Variants in PI4K2A observed in about 807,000 individuals in gnomAD.
PI4K2A encodes phosphatidylinositol 4-kinase type 2-alpha.
A neutral mutation model predicts 55.0 loss-of-function variants in PI4K2A; 20 were observed. The ratio of observed to expected loss-of-function variants is 0.36; its 90% CI spans 0.26 to 0.53. PI4K2A has a LOEUF of 0.53. PI4K2A is among the 20% of genes least tolerant of loss of function. PI4K2A has a pLI of 0.91. For missense variants in PI4K2A, 463 were observed against 637.1 expected (o/e 0.73, Z 2.94); for synonymous variants, 235 against 258.5 (o/e 0.91, Z 0.87).
At chr10:97,640,883 T>C (rs2041463710) in exon 1 of PI4K2A, 1 of 1,298,330 alleles carries the variant, frequency 7.7e-7, no homozygotes, top group Non-Finnish European at 9.8e-7. Context: ...CGGGCCCCTC[T>C]CCGCCGGGCT....
intron 4 of PI4K2A, among the ~76,000 whole-genome samples, chr10:97,660,024 C>T (rs1214446969): frequency 5.2e-5 from 7 of 134,814 alleles, no homozygotes; most frequent in Non-Finnish European, 4.7e-5. Flanking sequence ...TTTTTTGAGA[C>T]GGAGTCTCGC....
chr10:97,660,385 T>TC (rs2041576216), intron 4 of PI4K2A, among the ~76,000 whole-genome samples: 1 of 150,800 alleles, frequency 6.6e-6, no homozygotes, highest in Non-Finnish European at 1.5e-5. Context: ...AACCTCCACT[T>TC]CCCAGGTTCA....
intron 1 of PI4K2A, among the ~76,000 whole-genome samples, chr10:97,641,806 G>T (rs1193483371): frequency 6.6e-6 from 1 of 152,164 alleles, no homozygotes; most frequent in African/African-American, 2.4e-5. Context: ...ATAGAACTTG[G>T]AGTTTTAGAA....
intron 4 of PI4K2A, among the ~76,000 whole-genome samples, chr10:97,659,209 T>C (rs1285694007): frequency 2.0e-5 from 3 of 151,412 alleles, no homozygotes; most frequent in Non-Finnish European, 2.9e-5. Flanking sequence ...AGTTTTTAAA[T>C]TCTTTGTAGA....
chr10:97,661,315 T>A (rs1452196380), intron 4 of PI4K2A, among the ~76,000 whole-genome samples: 3 of 151,550 alleles, frequency 2.0e-5, no homozygotes, highest in African/African-American at 7.3e-5. Context: ...TTAAAGCAAA[T>A]CTGAGACATC....
intron 1 of PI4K2A, among the ~76,000 whole-genome samples, chr10:97,646,838 G>C (rs1009855189): frequency 1.3e-5 from 2 of 151,998 alleles, no homozygotes; most frequent in Admixed American, 1.3e-4. Context: ...GCAGTGGTGT[G>C]ATCTTGGCTC....
rs1243052745 is a variant in PI4K2A, at chr10:97,666,589, C to CA, written c.1218+19dup. 6.3e-7 allele frequency: 1 copy of CA among 1,596,618 alleles called. No homozygotes were observed. Among genetic ancestry groups the CA allele is most frequent in the Non-Finnish European group, 8.5e-7 (1 of 1,173,462 alleles). Reference sequence around the variant, plus strand: ...TCTTCAAGGTTAGCCCTGGGAACCTCAGCCCTATTATCATATGGGAGAAGG... The same window carrying CA: ...TCTTCAAGGTTAGCCCTGGGAACCTCAAGCCCTATTATCATATGGGAGAAGG... On this transcript the variant is annotated intron_variant, in intron 7 of 8. Coordinates refer to ENST00000370631, the Ensembl canonical transcript of PI4K2A.
At position 97,656,478 on chromosome 10, in the gene PI4K2A, G is replaced by C. The variant is rs932483484; in HGVS notation, c.768+62G>C. ...TTATAGTGACATAGTCATCCAAGTG[G>C]TGAAGCAAGGTGCCTACAACTCAAA... On this transcript the variant is annotated intron_variant, in intron 3 of 8. Transcript: ENST00000370631. The surrounding 1 kb of genome is among the most constrained non-coding windows in gnomAD (Gnocchi z 4.5). The C allele has an allele frequency of 6.6e-7, 1 of 1,504,274 alleles. No homozygotes were observed. Among genetic ancestry groups the C allele is most frequent in the African/African-American group, 1.4e-5 (1 of 72,854 alleles). The allele number at this position is 1,504,274 out of a possible 1,614,324, so 93.2% of individuals were successfully genotyped here.
Position 97,670,624 on chromosome 10 carries a change from C to T in PI4K2A, c.1279-2957C>T, listed in dbSNP as rs2041630426. On this transcript the variant is annotated intron_variant, in intron 8 of 8. Coordinates refer to ENST00000370631, the Ensembl canonical transcript of PI4K2A. ...AGACTATTTGGAACAGTGTAGGATGCTGGCAAGTACCAAAACAATTAAGTA... is the reference window on the plus strand; with the variant it reads ...AGACTATTTGGAACAGTGTAGGATGTTGGCAAGTACCAAAACAATTAAGTA... Among the ~76,000 whole-genome samples the T allele has an allele frequency of 2.0e-5, 3 of 152,158 alleles. No homozygotes were observed. In the South Asian group the frequency reaches 6.2e-4, roughly 32 times the overall value.
intron 4 of PI4K2A, among the ~76,000 whole-genome samples, chr10:97,661,040 G>A (rs541809301): frequency 6.6e-6 from 1 of 151,936 alleles, no homozygotes; most frequent in South Asian, 2.1e-4. Context: ...TGCCCAGGCT[G>A]GAGTGCAGTG....
chr10:97,642,068 T>G (rs2041472492), intron 1 of PI4K2A, among the ~76,000 whole-genome samples: 2 of 152,126 alleles, frequency 1.3e-5, no homozygotes, highest in Admixed American at 6.5e-5. Context: ...AATTTTCAGG[T>G]GTGCTGCAAT....
exon 9 of PI4K2A, chr10:97,674,083 C>A: frequency 5.5e-5 from 11 of 201,722 alleles, no homozygotes; most frequent in Non-Finnish European, 9.9e-5. Flanking sequence ...TTATATTCTG[C>A]ATCAGAAAAA....
chr10:97,650,634 T>G (rs984685632), intron 1 of PI4K2A, among the ~76,000 whole-genome samples: 4 of 152,158 alleles, frequency 2.6e-5, no homozygotes, highest in African/African-American at 9.7e-5. Context: ...CTTGTTTGTT[T>G]GAAGCACAAA....
chr10:97,666,765 T>G (rs955375385), intron 7 of PI4K2A, among the ~76,000 whole-genome samples, 194 bp downstream of exon 7: 17 of 152,088 alleles, frequency 1.1e-4, no homozygotes, highest in African/African-American at 3.6e-4. Flanking sequence ...TGGGCAGGGG[T>G]GAGAAATCAC....
chr10:97,645,926 A>C (rs994185302), intron 1 of PI4K2A, among the ~76,000 whole-genome samples: 10 of 152,152 alleles, frequency 6.6e-5, no homozygotes, highest in African/African-American at 2.4e-4. Context: ...CTACCTAAAT[A>C]GCTAAATCAA....
chr10:97,661,798 G>C (rs2041585544), intron 4 of PI4K2A, among the ~76,000 whole-genome samples: 1 of 148,322 alleles, frequency 6.7e-6, no homozygotes, highest in Non-Finnish European at 1.5e-5. Flanking sequence ...AATTCTCTGT[G>C]TTTCCTGTAA....
chr10:97,644,329 C>T (rs11189306), intron 1 of PI4K2A, among the ~76,000 whole-genome samples: 25,054 of 152,094 alleles, frequency 0.16, 2,283 homozygotes, highest in Non-Finnish European at 0.21. Flanking sequence ...CCAGCCTGGG[C>T]GACAGAGTGA....
Position 97,656,867 on chromosome 10 carries a change from ATTGG to A in PI4K2A, c.816_819del (p.Trp273CysfsTer42). On this transcript the variant is annotated frameshift_variant, in exon 4 of 9. Coordinates refer to ENST00000370631, the Ensembl canonical transcript of PI4K2A. LOFTEE classifies it high-confidence loss of function. This position sits in a 1 kb window ranked among gnomAD's most constrained non-coding sequence, Gnocchi z 4.5. ...GTTGAAGGCTACAAAGATGCAGACT[ATTGG>A]CTGCGGCGTTTTGAAGCAGAACCTC... 1 of 1,614,106 alleles carries A rather than the reference ATTGG, an allele frequency of 6.2e-7. No individual in the cohort carries two copies. The highest frequency in any genetic ancestry group is 8.5e-7 in the Non-Finnish European group (1 of 1,179,970).
chr10:97,641,423 CG>C (rs1161361053), intron 1 of PI4K2A, among the ~76,000 whole-genome samples: 1 of 152,066 alleles, frequency 6.6e-6, no homozygotes, highest in Non-Finnish European at 1.5e-5. Context: ...AGATACGGGC[CG>C]GGGGCTCAGC....
Sources: allele counts gnomAD v4.1 joint callset (sites outside exome capture counted in the v4.1 genomes callset), GRCh38; gene constraint gnomAD v4.1.1; non-coding constraint Gnocchi (gnomAD v3.1); transcripts MANE v1.5; gene names NCBI Gene and HGNC (gene_info 2026-07-23, HGNC 2026-07-21).